TEAD1: variants seen among roughly 807,000 people sequenced by gnomAD.
TEAD1 encodes the protein transcriptional enhancer factor TEF-1.
In TEAD1, 9 loss-of-function variants were observed where a neutral mutation model predicts 54.9. The observed-to-expected ratio is 0.16, with a 90% CI of 0.10 to 0.29. The LOEUF is 0.29. TEAD1 is among the 10% of genes least tolerant of loss of function. The probability of loss-of-function intolerance (pLI) is 1.00; values close to 1 mark genes in which losing one functional copy is unlikely to be tolerated. For missense variants in TEAD1, 387 were observed against 535.9 expected, an observed-to-expected ratio of 0.72 and a Z score of 2.74; for synonymous variants, 200 against 187.8, an observed-to-expected ratio of 1.07 and a Z score of -0.53.
intron 3 of TEAD1, among the ~76,000 whole-genome samples, chr11:12,825,669 A>G (rs7939624): frequency 0.023 from 3,505 of 152,310 alleles, 156 homozygotes; most frequent in African/African-American, 0.078. Flanking sequence ...CTAACAGTAT[A>G]GAAATGTAGA....
intron 3 of TEAD1, among the ~76,000 whole-genome samples, chr11:12,799,484 A>T (rs2133973553): frequency 6.6e-6 from 1 of 152,284 alleles, no homozygotes; most frequent in South Asian, 2.1e-4. Context: ...TTCCCTCTGA[A>T]ATTGGCAGAA....
intron 2 of TEAD1, among the ~76,000 whole-genome samples, chr11:12,695,469 A>C (rs1447279208): frequency 1.3e-5 from 2 of 152,220 alleles, no homozygotes; most frequent in Non-Finnish European, 2.9e-5. Context: ...TTTTTCATGT[A>C]GATTTCAGGC....
chr11:12,770,642 G>A (rs918667295), intron 3 of TEAD1, among the ~76,000 whole-genome samples: 3 of 152,144 alleles, frequency 2.0e-5, no homozygotes, highest in African/African-American at 7.2e-5. Flanking sequence ...GGAAAGTGAG[G>A]TCCAGCAAGG....
chr11:12,890,676 T>C (rs1948180498), intron 9 of TEAD1, among the ~76,000 whole-genome samples: 2 of 152,230 alleles, frequency 1.3e-5, no homozygotes, highest in African/African-American at 4.8e-5. Context: ...GAAAGGAAAT[T>C]GAGCCAGAGC....
chr11:12,737,185 A>G (rs1944552306), intron 2 of TEAD1, among the ~76,000 whole-genome samples: 1 of 152,204 alleles, frequency 6.6e-6, no homozygotes, highest in Non-Finnish European at 1.5e-5. Context: ...GGAATTGCTC[A>G]GTTACATTAT....
At chr11:12,822,667 G>A (rs1449058110) in intron 3 of TEAD1, 1 of 152,268 alleles carries the variant, frequency 6.6e-6, no homozygotes, top group African/African-American at 2.4e-5. Flanking sequence ...TATAAGCTAA[G>A]CAGAAGCCAG....
At chr11:12,857,016 T>C (rs947079497) in intron 3 of TEAD1, among the ~76,000 whole-genome samples, 5 of 152,172 alleles carry the variant, frequency 3.3e-5, no homozygotes, top group Non-Finnish European at 7.3e-5. Context: ...CATCACATTA[T>C]ATATACAGCC....
chr11:12,920,825 G>A lies in TEAD1; in HGVS notation c.874-4087G>A, dbSNP rs1046961650. The stretch of plus-strand genomic sequence containing the variant: ...TTCTGCTCAACACAAACTTATTGCA[G>A]CATCATTGGGAAGCATCATAGATAT... On this transcript the variant is annotated intron_variant, in intron 10 of 12. Coordinates refer to ENST00000527636, the MANE Select transcript of TEAD1 (RefSeq NM_021961.6). Among the ~76,000 whole-genome samples the A allele has an allele frequency of 9.2e-5, 14 of 152,290 alleles. 1 individual carries two copies. Among genetic ancestry groups the A allele is most frequent in the Non-Finnish European group, 1.5e-4 (10 of 68,022 alleles).
At chr11:12,821,804 A>G (rs576535576) in intron 3 of TEAD1, among the ~76,000 whole-genome samples, 13 of 152,120 alleles carry the variant, frequency 8.5e-5, no homozygotes, top group Non-Finnish European at 8.8e-5. Flanking sequence ...GCTTTTATCA[A>G]TAGAGCATTG....
At chr11:12,802,267 C>A (rs1946074599) in intron 3 of TEAD1, among the ~76,000 whole-genome samples, 1 of 152,124 alleles carries the variant, frequency 6.6e-6, no homozygotes, top group Non-Finnish European at 1.5e-5. Context: ...AGTCAGATTA[C>A]AATTAACTTT....
At chr11:12,694,417 T>C (rs77692338) in intron 2 of TEAD1, among the ~76,000 whole-genome samples, 11 of 152,036 alleles carry the variant, frequency 7.2e-5, no homozygotes, top group Admixed American at 4.6e-4. Context: ...TTTTTTTTTT[T>C]CCTTTTGCAG....
intron 10 of TEAD1, among the ~76,000 whole-genome samples, chr11:12,914,766 G>A (rs991690450): frequency 5.3e-5 from 8 of 152,256 alleles, no homozygotes; most frequent in African/African-American, 9.6e-5. Flanking sequence ...AGTGCAGAGC[G>A]ATTGTCCTTT....
intron 3 of TEAD1, among the ~76,000 whole-genome samples, chr11:12,844,272 A>G (rs1457923068): frequency 1.3e-5 from 2 of 152,204 alleles, no homozygotes; most frequent in African/African-American, 4.8e-5. Flanking sequence ...TAAAAACTTC[A>G]CATTTGCTTA....
intron 2 of TEAD1, among the ~76,000 whole-genome samples, chr11:12,697,463 G>T (rs944916897): frequency 5.3e-5 from 8 of 152,146 alleles, no homozygotes; most frequent in African/African-American, 1.7e-4. Flanking sequence ...GAGAATTTTA[G>T]ATAACAGAGT....
chr11:12,740,885 C>T (rs1036539336), intron 2 of TEAD1, among the ~76,000 whole-genome samples: 4 of 152,198 alleles, frequency 2.6e-5, no homozygotes, highest in Admixed American at 6.5e-5. Context: ...CAAGTATCCC[C>T]ATATCTGTGA....
intron 10 of TEAD1, among the ~76,000 whole-genome samples, chr11:12,911,398 G>T (rs570106405): frequency 5.3e-5 from 8 of 152,152 alleles, no homozygotes; most frequent in South Asian, 2.1e-4. Context: ...GGAACCAAAC[G>T]TCCTGTTGCT....
At chr11:12,902,841 G>T (rs1240177128) in intron 10 of TEAD1, among the ~76,000 whole-genome samples, 41 of 151,990 alleles carry the variant, frequency 2.7e-4, no homozygotes, top group Admixed American at 2.7e-3. Flanking sequence ...CCTTCTGTTT[G>T]TCTAGATGGA....
At chr11:12,820,600 A>G (rs1946524700) in intron 3 of TEAD1, among the ~76,000 whole-genome samples, 1 of 152,142 alleles carries the variant, frequency 6.6e-6, no homozygotes, top group South Asian at 2.1e-4. Flanking sequence ...GTCATCAGAC[A>G]TGGTTGGGTT....
At chr11:12,915,630 T>G (rs11606705) in intron 10 of TEAD1, among the ~76,000 whole-genome samples, 25,912 of 152,238 alleles carry the variant, frequency 0.17, 2,583 homozygotes, top group Non-Finnish European at 0.23. Context: ...GGTGGATCAC[T>G]TGATGTCAGG....
Sources: gnomAD v4.1 joint callset for allele counts (sites outside exome capture counted in the v4.1 genomes callset) on GRCh38, gnomAD v4.1.1 for gene constraint, MANE v1.5 for transcripts, NCBI Gene and HGNC (gene_info 2026-07-23, HGNC 2026-07-21) for gene names.